Variants in RTCA observed in about 807,000 individuals in gnomAD.
RTCA encodes RNA terminal phosphate cyclase domain 1.
In RTCA, 37 loss-of-function variants were observed where a neutral mutation model predicts 46.1. That is an observed-to-expected ratio of 0.80 (90% CI 0.62 to 1.06). RTCA has a LOEUF of 1.06. Among genes scored for constraint, RTCA ranks in the 50% least tolerant of loss-of-function variants. The probability of loss-of-function intolerance (pLI) is 0.00; values close to 1 mark genes in which losing one functional copy is unlikely to be tolerated. For missense variants in RTCA, 435 were observed against 455.5 expected, an observed-to-expected ratio of 0.95 and a Z score of 0.41; for synonymous variants, 164 against 158.3, an observed-to-expected ratio of 1.04 and a Z score of -0.27.
At chr1:100,268,443 G>C (rs1190142820) in intron 3 of RTCA, 148 bp downstream of exon 3, 9 of 668,332 alleles carry the variant, frequency 1.3e-5, no homozygotes, top group Non-Finnish European at 2.0e-5. Context: ...TTGCCCAGGC[G>C]GGGGTGCAGT....
intron 10 of RTCA, among the ~76,000 whole-genome samples, chr1:100,290,854 T>C (rs1439739335): frequency 6.6e-6 from 1 of 152,164 alleles, no homozygotes; most frequent in Non-Finnish European, 1.5e-5. Flanking sequence ...AAATGTGATG[T>C]TAAGCCCAGT....
chr1:100,287,664 T>C (rs1229766837), intron 10 of RTCA, among the ~76,000 whole-genome samples: 2 of 152,218 alleles, frequency 1.3e-5, no homozygotes, highest in Non-Finnish European at 2.9e-5. Flanking sequence ...TTGATTCTAT[T>C]GGTAAAATAG....
chr1:100,279,895 T>C (rs113052892), intron 8 of RTCA, among the ~76,000 whole-genome samples: 9 of 152,300 alleles, frequency 5.9e-5, no homozygotes, highest in South Asian at 2.1e-4. Context: ...TGAAAGGCTA[T>C]AGGTTATATC....
chr1:100,267,476 C>T (rs1397244270), intron 2 of RTCA: 3 of 1,520,754 alleles, frequency 2.0e-6, no homozygotes, highest in Admixed American at 4.2e-5. Context: ...GGAGCTTAAA[C>T]AACAGAAATT....
intron 9 of RTCA, among the ~76,000 whole-genome samples, chr1:100,285,675 G>A (rs1445321708): frequency 6.6e-6 from 1 of 151,834 alleles, no homozygotes; most frequent in Non-Finnish European, 1.5e-5. Context: ...GGTGGAGACA[G>A]AGTCTTGCTA....
Position 100,275,665 on chromosome 1 carries a change from A to G in RTCA, c.682A>G (p.Asn228Asp). The G allele has an allele frequency of 6.2e-7, 1 of 1,612,642 alleles. No homozygotes were observed. Among genetic ancestry groups the G allele is most frequent in the Non-Finnish European group, 8.5e-7 (1 of 1,179,178 alleles). The change falls in exon 7 of 11, where the codon AAC becomes GAC. Residue 228 changes from asparagine (N) to aspartate (D), a missense_variant. By Grantham distance (23) the Asn-to-Asp change is conservative (BLOSUM62 1). Coordinates refer to ENST00000370128, the MANE Select transcript of RTCA (RefSeq NM_003729.4). Reference sequence around the variant, plus strand: ...AAAGGAGATCCGGGATTTGTATGTTAACATCCAGCCTGTTCAAGAACCTAA... The same window carrying G: ...AAAGGAGATCCGGGATTTGTATGTTGACATCCAGCCTGTTCAAGAACCTAA... ...IRKEIRDLYVNIQPVQEPKDQ... is the reference protein window; with the variant it reads ...IRKEIRDLYVDIQPVQEPKDQ...
chr1:100,281,996 G>A (rs146761193), intron 8 of RTCA, among the ~76,000 whole-genome samples: 33 of 152,208 alleles, frequency 2.2e-4, no homozygotes, highest in African/African-American at 7.2e-4. Context: ...GTGAGCCACC[G>A]TGCCGGCCTC....
intron 4 of RTCA, among the ~76,000 whole-genome samples, chr1:100,273,044 G>A (rs1288601764): frequency 6.6e-6 from 1 of 152,096 alleles, no homozygotes; most frequent in Non-Finnish European, 1.5e-5. Flanking sequence ...ATGACAGAAT[G>A]GAATGCTCTT....
intron 8 of RTCA, among the ~76,000 whole-genome samples, chr1:100,283,922 T>TAAAAAAAAAAAAAAAAAAAAA (rs562483681): frequency 1.8e-4 from 2 of 11,382 alleles, no homozygotes; most frequent in South Asian, 4.4e-3. Flanking sequence ...ACCTAGTCGC[T>TAAAAAAAAAAAAAAAAAAAAA]AAAAAAAAAA....
chr1:100,287,678 A>C (rs565907721), intron 10 of RTCA, among the ~76,000 whole-genome samples: 3 of 152,274 alleles, frequency 2.0e-5, no homozygotes, highest in Admixed American at 6.5e-5. Context: ...AAAATAGAAT[A>C]TTTGTTGAAA....
Position 100,292,254 on chromosome 1 carries a change from A to C in RTCA, c.*750A>C, listed in dbSNP as rs547713498. 2 of 151,726 alleles carry C rather than the reference A, an allele frequency of 1.3e-5. No homozygotes were observed. The highest frequency in any genetic ancestry group is 3.9e-4 in the East Asian group (2 of 5,128). 9.4% of individuals were successfully genotyped at this position (151,726 alleles called of 1,614,324 possible). On this transcript the variant is annotated 3_prime_UTR_variant, in exon 11 of 11. Coordinates refer to ENST00000370128, the MANE Select transcript of RTCA (RefSeq NM_003729.4). ...TAATAGGCATTGTCTCATTCTAATG[A>C]TATATACCTTCTACCTAGTGGGCAC...
chr1:100,290,669 G>A (rs1232818611), intron 10 of RTCA, among the ~76,000 whole-genome samples: 2 of 152,158 alleles, frequency 1.3e-5, no homozygotes, highest in Non-Finnish European at 2.9e-5. Flanking sequence ...TGGAGGCTGA[G>A]GCAGGAGGAT....
intron 8 of RTCA, 120 bp from the exon 9 acceptor site, chr1:100,285,108 T>A (rs1056707066): frequency 1.3e-4 from 91 of 694,512 alleles, no homozygotes; most frequent in Non-Finnish European, 2.2e-4. Context: ...ATTGAGTGGG[T>A]TTTTGAGGCC....
chr1:100,273,215 A>G (rs1011401618), intron 4 of RTCA, among the ~76,000 whole-genome samples, 179 bp from the exon 5 acceptor site: 78 of 152,326 alleles, frequency 5.1e-4, no homozygotes, highest in African/African-American at 1.8e-3. Flanking sequence ...AAACTTTTAA[A>G]TTTAGCTACA....
intron 5 of RTCA, 57 bp from the exon 6 acceptor site, chr1:100,274,767 G>T: frequency 6.7e-7 from 1 of 1,502,136 alleles, no homozygotes; most frequent in South Asian, 1.2e-5. Context: ...TTGTAATATA[G>T]AGCTTTGTTT....
chr1:100,266,575 C>T lies in RTCA; in HGVS notation c.97C>T (p.Pro33Ser), dbSNP rs779461581. The T allele has an allele frequency of 9.3e-6, 15 of 1,613,962 alleles. No homozygotes were observed. Among genetic ancestry groups the T allele is most frequent in the Middle Eastern group, 3.3e-4 (2 of 6,058 alleles). ...STALSCLLGL[P>S]LRVQKIRAGR... ...GGCCTTGAGCTGTCTCCTAGGCCTC[C>T]CCTTGCGGGTGCAGAAGATCCGAGC... is the stretch of plus-strand genomic sequence containing the variant. Residue 33 changes from proline to serine, a missense_variant, in exon 2 of 11, where the codon CCC becomes TCC. Physicochemically the swap from Pro to Ser is moderately conservative, Grantham distance 74. Transcript: ENST00000370128.
chr1:100,275,770 G>T (rs768125698), intron 7 of RTCA, 47 bp downstream of exon 7: 64 of 1,479,694 alleles, frequency 4.3e-5, no homozygotes, highest in Non-Finnish European at 5.7e-5. Flanking sequence ...CCCTAAAATA[G>T]TTATCTAATT....
At chr1:100,286,602 G>A (rs965523027) in intron 9 of RTCA, among the ~76,000 whole-genome samples, 1 of 151,090 alleles carries the variant, frequency 6.6e-6, no homozygotes, top group African/African-American at 2.4e-5. Context: ...TGTCTCCTTA[G>A]TCCCAAATCA....
intron 3 of RTCA, among the ~76,000 whole-genome samples, chr1:100,269,277 C>A (rs1046091289): frequency 2.0e-5 from 3 of 151,682 alleles, no homozygotes; most frequent in Admixed American, 1.3e-4. Flanking sequence ...TGATTTCTCA[C>A]ATTATTTGAC....
Sources: gnomAD v4.1 joint callset for allele counts (sites outside exome capture counted in the v4.1 genomes callset) on GRCh38, gnomAD v4.1.1 for gene constraint, MANE v1.5 for transcripts, NCBI Gene and HGNC (gene_info 2026-07-23, HGNC 2026-07-21) for gene names.